Variants in TRPV4 observed in about 807,000 individuals in gnomAD.
The protein encoded by TRPV4 is transient receptor potential cation channel subfamily V member 4.
TRPV4 carries 58 observed loss-of-function variants against 84.1 expected under a neutral mutation model. The ratio of observed to expected loss-of-function variants is 0.69; its 90% CI spans 0.56 to 0.86. TRPV4 has a LOEUF of 0.86. Among genes scored for constraint, TRPV4 ranks in the 40% least tolerant of loss-of-function variants. The probability of loss-of-function intolerance (pLI) is 0.00; values close to 1 mark genes in which losing one functional copy is unlikely to be tolerated. For missense variants in TRPV4, 879 were observed against 1,181.1 expected, an observed-to-expected ratio of 0.74 and a Z score of 3.75; for synonymous variants, 489 against 500.9, an observed-to-expected ratio of 0.98 and a Z score of 0.32.
chr12:109,794,001 T>A lies in TRPV4; in HGVS notation c.1513A>T (p.Thr505Ser). The change falls in exon 9 of 16, where the codon ACG becomes TCG. Residue 505 changes from threonine (T) to serine (S), a missense_variant. By Grantham distance (58) the Thr-to-Ser change is moderately conservative. Coordinates refer to ENST00000261740, the MANE Select transcript of TRPV4 (RefSeq NM_021625.5). ...EGTPPYPYRT[T>S]VDYLRLAGEV... ...CCAGCCAGCCGCAGGTAGTCCACCG[T>A]GGTGCGGTAAGGGTACGGCGGCTGG... The A allele has an allele frequency of 6.2e-7, 1 of 1,609,414 alleles. No individual in the cohort carries two copies. Among genetic ancestry groups the A allele is most frequent in the Non-Finnish European group, 8.5e-7 (1 of 1,178,768 alleles).
At chr12:109,824,823 C>G (rs967690309) in intron 1 of TRPV4, among the ~76,000 whole-genome samples, 6 of 152,154 alleles carry the variant, frequency 3.9e-5, no homozygotes, top group Non-Finnish European at 8.8e-5. Flanking sequence ...TGGTCACAGC[C>G]ACGGAGAACT....
At position 109,808,376 on chromosome 12, in the gene TRPV4, C is replaced by T. The variant is rs139300843; in HGVS notation, c.479G>A (p.Arg160Gln). 14 of 1,614,026 alleles carry T rather than the reference C, an allele frequency of 8.7e-6. No homozygotes were observed. The highest frequency in any genetic ancestry group is 8.0e-5 in the African/African-American group (6 of 74,910). The change falls in exon 3 of 16, where the codon CGG becomes CAG. Residue 160 changes from arginine to glutamine, a missense_variant. Arg to Gln is a conservative substitution (Grantham distance 43). Around this residue, in one of 4 missense-constraint regions of TRPV4, gnomAD observed 521 missense variants for 686.6 expected, o/e 0.76. Transcript: ENST00000261740. ...CCCGTCCAGGTCAGCAGTGGAGCCC[C>T]GGGACACGATGTCAAAGAGGATAGG... ...NRPILFDIVSRGSTADLDGLL... is the reference protein window; with the variant it reads ...NRPILFDIVSQGSTADLDGLL...
chr12:109,807,714 A>G (rs1023619998), intron 3 of TRPV4, among the ~76,000 whole-genome samples: 9 of 152,158 alleles, frequency 5.9e-5, no homozygotes, highest in African/African-American at 1.7e-4. Context: ...GGTGTTTTGA[A>G]TCTGGACAAG....
chr12:109,788,273 A>T, intron 13 of TRPV4, 127 bp downstream of exon 13: 1 of 930,182 alleles, frequency 1.1e-6, no homozygotes, highest in East Asian at 2.6e-5. Flanking sequence ...TTACCGACAG[A>T]GAAGTGGAGG....
At chr12:109,802,798 GTTACCGTTCC>G (rs1890880136) in intron 4 of TRPV4, among the ~76,000 whole-genome samples, 183 bp downstream of exon 4, 1 of 151,856 alleles carries the variant, frequency 6.6e-6, no homozygotes, top group Non-Finnish European at 1.5e-5. Context: ...GGAAGGGGTA[GTTACCGTTCC>G]TTCATCCATC....
chr12:109,799,907 C>T (rs778021263), intron 5 of TRPV4, among the ~76,000 whole-genome samples: 2 of 149,314 alleles, frequency 1.3e-5, no homozygotes, highest in Non-Finnish European at 3.0e-5. Context: ...ACTTCAAGCA[C>T]ATGCCACCAT....
At chr12:109,807,527 T>A (rs1891225949) in intron 3 of TRPV4, among the ~76,000 whole-genome samples, 1 of 151,806 alleles carries the variant, frequency 6.6e-6, no homozygotes, top group East Asian at 2.0e-4. Flanking sequence ...ATTACAGGTG[T>A]GAGCCACCAT....
rs1331256677 is a variant in TRPV4 at position 109,786,036 on chromosome 12, G to A, written c.2336+674C>T. The stretch of plus-strand genomic sequence containing the variant: ...AACAAAAAATGGAATTGAACTGATC[G>A]GATGGCCTAGGAGGTGGGTTCTATT... On this transcript the variant is annotated intron_variant, in intron 14 of 15. Coordinates refer to ENST00000261740, the MANE Select transcript of TRPV4 (RefSeq NM_021625.5). This position sits in a 1 kb window ranked among gnomAD's most constrained non-coding sequence, Gnocchi z 4.5. Among the ~76,000 whole-genome samples the A allele has an allele frequency of 6.6e-6, 1 of 152,002 alleles. No individual in the cohort carries two copies.
At chr12:109,797,044 G>A (rs1890447702) in intron 6 of TRPV4, among the ~76,000 whole-genome samples, 1 of 152,106 alleles carries the variant, frequency 6.6e-6, no homozygotes, top group Admixed American at 6.6e-5. Flanking sequence ...TAATACTGAC[G>A]ATCACATGCG....
At chr12:109,826,488 G>A (rs746571935) in intron 1 of TRPV4, among the ~76,000 whole-genome samples, 2 of 152,134 alleles carry the variant, frequency 1.3e-5, no homozygotes, top group Non-Finnish European at 2.9e-5. Flanking sequence ...ATTTGAGGTC[G>A]GTGTTATTGT....
At position 109,828,467 on chromosome 12, in the gene TRPV4, G is replaced by A. The variant is rs145175540; in HGVS notation, c.-32+4883C>T. Among the ~76,000 whole-genome samples the A allele has an allele frequency of 3.6e-3, 541 of 152,286 alleles. 4 individuals carry two copies. Among genetic ancestry groups the A allele is most frequent in the South Asian group, 0.016 (79 of 4,822 alleles). On this transcript the variant is annotated intron_variant, in intron 1 of 15. Coordinates refer to ENST00000261740, the MANE Select transcript of TRPV4 (RefSeq NM_021625.5). The stretch of plus-strand genomic sequence containing the variant: ...CGGCCACTGGGGTGCCAGCTCATGG[G>A]CTGCAAGGGCACCCGAGGTTGAAGG...
intron 12 of TRPV4, among the ~76,000 whole-genome samples, chr12:109,792,076 C>CAA (rs527506694): frequency 6.8e-4 from 92 of 135,836 alleles, no homozygotes; most frequent in African/African-American, 1.2e-3. Flanking sequence ...ACTAAAAATA[C>CAA]AAAAAAAAAA....
chr12:109,806,583 A>G (rs138236057), intron 3 of TRPV4, among the ~76,000 whole-genome samples: 1,799 of 151,170 alleles, frequency 0.012, 46 homozygotes, highest in African/African-American at 0.041. Context: ...GGCCAGCCTC[A>G]GTGGCTCATG....
At chr12:109,792,321 T>G (rs1327205608) in intron 12 of TRPV4, 42 bp downstream of exon 12, 2 of 1,579,020 alleles carry the variant, frequency 1.3e-6, no homozygotes, top group Non-Finnish European at 1.7e-6. Flanking sequence ...TTCCCGTCCT[T>G]GCACCACCCC....
chr12:109,818,639 T>C (rs1350719278), intron 1 of TRPV4, among the ~76,000 whole-genome samples: 2 of 152,270 alleles, frequency 1.3e-5, no homozygotes, highest in Admixed American at 6.5e-5. Context: ...ATTGCAATAA[T>C]AGCACCTCCC....
chr12:109,796,645 G>A lies in TRPV4; in HGVS notation c.1212C>T (p.Arg404=), dbSNP rs753523645. The change falls in exon 7 of 16, where the codon CGC becomes CGT. Residue 404 remains arginine (R), a synonymous_variant. Coordinates refer to ENST00000261740, the MANE Select transcript of TRPV4 (RefSeq NM_021625.5). This position sits in a 1 kb window ranked among gnomAD's most constrained non-coding sequence, Gnocchi z 4.2. ...VTDEDTRHLS[R]KFKDWAYGPV... The stretch of plus-strand genomic sequence containing the variant: ...GCCCATAGGCCCAGTCCTTGAACTT[G>A]CGGGACAGGTGCCGTGTGTCCTCAT... The A allele has an allele frequency of 2.5e-6, 4 of 1,614,198 alleles. No individual in the cohort carries two copies. The highest frequency in any genetic ancestry group is 3.4e-6 in the Non-Finnish European group (4 of 1,180,040).
rs868185064 is a variant in TRPV4, at chr12:109,792,696, G to A, written c.1780C>T (p.Arg594Cys). 3 of 1,614,022 alleles carry A rather than the reference G, an allele frequency of 1.9e-6. No individual in the cohort carries two copies. Among genetic ancestry groups the A allele is most frequent in the Admixed American group, 1.7e-5 (1 of 59,990 alleles). Residue 594 changes from arginine (R) to cysteine (C), a missense_variant, in exon 11 of 16, where the codon CGT (arginine) becomes TGT (cysteine). Arg to Cys is a radical substitution (Grantham distance 180, BLOSUM62 -3). Around this residue, in one of 4 missense-constraint regions of TRPV4, gnomAD observed 9 missense variants for 39.7 expected, o/e 0.23. Transcript: ENST00000261740. The stretch of plus-strand genomic sequence containing the variant: ...TAGGTCCCCGTCAGCTTCAGCCCAC[G>A]GGTGAAGTAAAGGGCATTCATCCAG... ...LGWMNALYFT[R>C]GLKLTGTYSI...
At chr12:109,824,566 G>T (rs946282307) in intron 1 of TRPV4, among the ~76,000 whole-genome samples, 71 of 151,608 alleles carry the variant, frequency 4.7e-4, no homozygotes, top group African/African-American at 1.6e-3. Flanking sequence ...GACCAGACTG[G>T]CCAACATGGT....
Position 109,793,865 on chromosome 12 carries a change from A to C in TRPV4, c.1584+65T>G. 4 of 1,203,880 alleles carry C rather than the reference A, an allele frequency of 3.3e-6. No homozygotes were observed. The highest frequency in any genetic ancestry group is 4.9e-6 in the Non-Finnish European group (4 of 822,834). 74.6% of individuals were successfully genotyped at this position (1,203,880 alleles called of 1,614,324 possible). ...AGAGAGAAGAGAAAAAGAGGGAGAG[A>C]AAAGAGGTGCAGGAAGAGAAGAGGA... is the stretch of plus-strand genomic sequence containing the variant. On this transcript the variant is annotated intron_variant, in intron 9 of 15. Coordinates refer to ENST00000261740, the MANE Select transcript of TRPV4 (RefSeq NM_021625.5). This position sits in a 1 kb window ranked among gnomAD's most constrained non-coding sequence, Gnocchi z 4.0.
Sources: allele counts gnomAD v4.1 joint callset (sites outside exome capture counted in the v4.1 genomes callset), GRCh38; gene constraint gnomAD v4.1.1; regional missense constraint gnomAD v4.1.1; non-coding constraint Gnocchi (gnomAD v3.1); transcripts MANE v1.5; gene names NCBI Gene and HGNC (gene_info 2026-07-23, HGNC 2026-07-21).